ZBTB46: variants seen among roughly 807,000 people sequenced by gnomAD.
ZBTB46 encodes the protein zinc finger and BTB domain containing 46.
ZBTB46 carries 8 observed loss-of-function variants against 44.1 expected under a neutral mutation model. The ratio of observed to expected loss-of-function variants is 0.18; its 90% CI spans 0.11 to 0.33. ZBTB46 has a LOEUF of 0.33. ZBTB46 is among the 10% of genes least tolerant of loss of function. The pLI is 1.00. For synonymous variants in ZBTB46, 409 were observed against 382.3 expected, an observed-to-expected ratio of 1.07 and a Z score of -0.81; for missense variants, 651 against 847.7, an observed-to-expected ratio of 0.77 and a Z score of 2.88.
At chr20:63,774,955 A>G (rs2092411530) in intron 3 of ZBTB46, among the ~76,000 whole-genome samples, 1 of 152,020 alleles carries the variant, frequency 6.6e-6, no homozygotes, top group Non-Finnish European at 1.5e-5. Context: ...TGCCCGCCTC[A>G]GCCTCCCAAA....
rs201903625 is a variant in ZBTB46, at chr20:63,764,535, C to CTAGCTTCTG, written c.1222+11134_1222+11142dup. On this transcript the variant is annotated intron_variant, in intron 3 of 4. Transcript: ENST00000245663. ...CTTCAAAGACGTCATTCATTGTCTT[C>CTAGCTTCTG]TAGCTTCTGTAGTTTCTGGGAAAGT... 5.4e-3 allele frequency among the ~76,000 whole-genome samples: 826 copies of CTAGCTTCTG among 151,972 alleles called. 7 individuals are homozygous for CTAGCTTCTG. Among genetic ancestry groups the CTAGCTTCTG allele is most frequent in the African/African-American group, 0.019 (770 of 41,440 alleles).
At chr20:63,778,253 T>C (rs917330410) in intron 2 of ZBTB46, among the ~76,000 whole-genome samples, 1 of 152,200 alleles carries the variant, frequency 6.6e-6, no homozygotes, top group African/African-American at 2.4e-5. Context: ...ACTTGAGTCA[T>C]GAATTCAACG....
In ZBTB46 at chr20:63,747,308, A is replaced by G. The variant is rs1601379786; in HGVS notation, c.1399-7T>C. 8.9e-7 allele frequency: 1 copy of G among 1,117,320 alleles called. No individual in the cohort carries two copies. Among genetic ancestry groups the G allele is most frequent in the Non-Finnish European group, 1.1e-6 (1 of 900,652 alleles). 69.2% of individuals were successfully genotyped at this position (1,117,320 alleles called of 1,614,324 possible). A position where few individuals can be genotyped will look rare whatever the true frequency, so the allele number is the denominator to read the frequency against. On this transcript the variant is annotated splice_region_variant and splice_polypyrimidine_tract_variant and intron_variant, in intron 4 of 4. Coordinates refer to ENST00000245663, the MANE Select transcript of ZBTB46 (RefSeq NM_001369741.1). ...TCTTGTCCTTGCTGTGGACCTGCAGAGGCAGGGCAGGGGGTGAGCAGGGCC... is the reference window on the plus strand; with the variant it reads ...TCTTGTCCTTGCTGTGGACCTGCAGGGGCAGGGCAGGGGGTGAGCAGGGCC...
At chr20:63,819,045 C>T (rs564424427) in intron 1 of ZBTB46, among the ~76,000 whole-genome samples, 39 of 151,586 alleles carry the variant, frequency 2.6e-4, no homozygotes, top group African/African-American at 9.0e-4. Flanking sequence ...TGGTGGTGTG[C>T]GCCTGTAATC....
chr20:63,796,240 G>A (rs1034002110), intron 1 of ZBTB46, among the ~76,000 whole-genome samples: 1 of 152,244 alleles, frequency 6.6e-6, no homozygotes, highest in Non-Finnish European at 1.5e-5. Context: ...GATTCAGGCG[G>A]TAGTGTGTCT....
In ZBTB46 at chr20:63,790,765, C is replaced by T. The variant is rs2092554658; in HGVS notation, c.-8G>A. 3.8e-6 allele frequency: 6 copies of T among 1,591,686 alleles called. No individual in the cohort carries two copies. The highest frequency in any genetic ancestry group is 5.1e-6 in the Non-Finnish European group (6 of 1,170,708). ...TTCCTTTCGGTTGTTCATTTGGAAG[C>T]CCTGGTGTCGCCTCTTCTACAGACT... On this transcript the variant is annotated 5_prime_UTR_variant, in exon 2 of 5. Coordinates refer to ENST00000245663, the MANE Select transcript of ZBTB46 (RefSeq NM_001369741.1).
intron 1 of ZBTB46, 128 bp from the exon 2 acceptor site, chr20:63,790,918 C>G (rs2145930974): frequency 7.5e-7 from 1 of 1,329,124 alleles, no homozygotes; most frequent in East Asian, 2.5e-5. Flanking sequence ...CACGCGAGAG[C>G]CCATCCACAG....
intron 3 of ZBTB46, among the ~76,000 whole-genome samples, chr20:63,760,907 A>C (rs2092268727): frequency 6.6e-6 from 1 of 150,482 alleles, no homozygotes; most frequent in Non-Finnish European, 1.5e-5. Flanking sequence ...CTTCTGACTT[A>C]ACCTCCCGAA....
intron 1 of ZBTB46, among the ~76,000 whole-genome samples, chr20:63,809,112 G>A (rs965949756): frequency 6.6e-6 from 1 of 151,922 alleles, no homozygotes; most frequent in South Asian, 2.1e-4. Flanking sequence ...CTCCACGTTC[G>A]CCTTCCACGT....
In ZBTB46 at chr20:63,746,819, G is replaced by A; in HGVS notation, c.*111C>T. 4 of 1,402,828 alleles carry A rather than the reference G, an allele frequency of 2.9e-6. No individual in the cohort carries two copies. Among genetic ancestry groups the A allele is most frequent in the Non-Finnish European group, 2.8e-6 (3 of 1,078,906 alleles). The allele number at this position is 1,402,828 out of a possible 1,614,324, so 86.9% of individuals were successfully genotyped here. Reference sequence around the variant, plus strand: ...GGGGGTGGGTTCAGGGGGAAGCAGAGGAGGGGCCGCGAGAGGGGTGAGCGT... The same window carrying A: ...GGGGGTGGGTTCAGGGGGAAGCAGAAGAGGGGCCGCGAGAGGGGTGAGCGT... On this transcript the variant is annotated 3_prime_UTR_variant, in exon 5 of 5. Coordinates refer to ENST00000245663, the MANE Select transcript of ZBTB46 (RefSeq NM_001369741.1).
chr20:63,751,895 C>T (rs1468874740), intron 4 of ZBTB46, among the ~76,000 whole-genome samples: 1 of 152,042 alleles, frequency 6.6e-6, no homozygotes, highest in African/African-American at 2.4e-5. Flanking sequence ...TCCTGCAGGT[C>T]CGCTCCGGAA....
intron 1 of ZBTB46, among the ~76,000 whole-genome samples, chr20:63,802,522 C>T (rs1055977582): frequency 2.4e-4 from 37 of 152,166 alleles, no homozygotes; most frequent in Non-Finnish European, 1.0e-4. Flanking sequence ...GCGGCAGCGG[C>T]GGAGGCCCCG....
chr20:63,828,221 C>T (rs2092829809), intron 1 of ZBTB46, among the ~76,000 whole-genome samples: 1 of 152,260 alleles, frequency 6.6e-6, no homozygotes, highest in African/African-American at 2.4e-5. Context: ...CTCAAAGGGT[C>T]TAAGTGATAA....
intron 1 of ZBTB46, chr20:63,816,451 A>ACCTG: frequency 6.4e-6 from 1 of 156,172 alleles, no homozygotes; most frequent in Admixed American, 6.2e-5. Flanking sequence ...CAGGAACCTG[A>ACCTG]CCTGCCACAG....
chr20:63,781,210 C>G (rs919467587), intron 2 of ZBTB46, among the ~76,000 whole-genome samples: 2 of 149,226 alleles, frequency 1.3e-5, no homozygotes, highest in Admixed American at 1.3e-4. Context: ...TTTCAAAGCA[C>G]ATACTTGATG....
intron 1 of ZBTB46, among the ~76,000 whole-genome samples, chr20:63,812,387 T>A (rs746410580): frequency 2.0e-5 from 3 of 152,040 alleles, no homozygotes; most frequent in Non-Finnish European, 2.9e-5. Context: ...TGTGCACCTG[T>A]AATCCCAGCA....
At chr20:63,806,199 C>T (rs2092680116) in intron 1 of ZBTB46, among the ~76,000 whole-genome samples, 1 of 150,342 alleles carries the variant, frequency 6.7e-6, no homozygotes, top group African/African-American at 2.4e-5. Flanking sequence ...GTCAGGAGTT[C>T]GAGACCAACC....
chr20:63,792,507 C>G (rs1038941977), intron 1 of ZBTB46, among the ~76,000 whole-genome samples: 8 of 151,968 alleles, frequency 5.3e-5, no homozygotes, highest in Admixed American at 1.3e-4. Context: ...TTAGTCATGA[C>G]AGAATATTTT....
chr20:63,812,071 TCTCA>T (rs1226878644), intron 1 of ZBTB46, among the ~76,000 whole-genome samples: 1 of 152,034 alleles, frequency 6.6e-6, no homozygotes, highest in Non-Finnish European at 1.5e-5. Flanking sequence ...GGAACAAAAC[TCTCA>T]CTAATAGGAA....
Sources: allele counts gnomAD v4.1 joint callset (sites outside exome capture counted in the v4.1 genomes callset), GRCh38; gene constraint gnomAD v4.1.1; transcripts MANE v1.5; gene names NCBI Gene and HGNC (gene_info 2026-07-23, HGNC 2026-07-21).